The following ANKIB1 variants were observed in gnomAD, a reference collection of about 807,000 sequenced individuals.
ANKIB1 encodes ankyrin repeat and IBR domain-containing protein 1.
In ANKIB1, 43 loss-of-function variants were observed where a neutral mutation model predicts 122.1. The observed-to-expected ratio is 0.35, with a 90% CI of 0.28 to 0.45. The LOEUF (loss-of-function observed/expected upper bound fraction) is 0.45, where lower values mean the gene tolerates loss of function less well. Ranked by LOEUF, ANKIB1 falls within the 20% of genes least tolerant of loss-of-function variation. ANKIB1 has a pLI of 1.00. For missense variants in ANKIB1, 992 were observed against 1,329.5 expected (o/e 0.75, Z 3.95); for synonymous variants, 390 against 442.0 (o/e 0.88, Z 1.48).
rs557386871 is a variant in ANKIB1, at chr7:92,253,451, A to G, written c.-91+6932A>G. ...AACTCTCTGTTTCCACACAACACCC[A>G]TTGTCCTCGCCTCTAGGCTAATTAG... On this transcript the variant is annotated intron_variant, in intron 1 of 19. Coordinates refer to ENST00000265742, the MANE Select transcript of ANKIB1 (RefSeq NM_019004.2). 7.9e-4 allele frequency among the ~76,000 whole-genome samples: 120 copies of G among 152,112 alleles called. 1 individual carries two copies. Among genetic ancestry groups the G allele is most frequent in the Non-Finnish European group, 3.7e-4 (25 of 67,992 alleles).
intron 9 of ANKIB1, among the ~76,000 whole-genome samples, chr7:92,355,882 ATAATAG>A (rs1554345435): frequency 1.1e-4 from 12 of 112,700 alleles, no homozygotes; most frequent in South Asian, 2.7e-4. Context: ...AATAATAATA[ATAATAG>A]TAATAGTAAT....
At chr7:92,271,564 T>C (rs1165357219) in intron 1 of ANKIB1, among the ~76,000 whole-genome samples, 3 of 152,180 alleles carry the variant, frequency 2.0e-5, no homozygotes, top group Admixed American at 6.5e-5. Context: ...CCTCTAACTA[T>C]GTTGAGCCGG....
chr7:92,291,870 C>T (rs981550001), intron 1 of ANKIB1, among the ~76,000 whole-genome samples: 7 of 152,116 alleles, frequency 4.6e-5, no homozygotes, highest in African/African-American at 1.7e-4. Flanking sequence ...CTACCACACC[C>T]GGCCCAGGGT....
At chr7:92,337,956 C>G (rs1207631203) in intron 5 of ANKIB1, among the ~76,000 whole-genome samples, 1 of 152,070 alleles carries the variant, frequency 6.6e-6, no homozygotes, top group African/African-American at 2.4e-5. Flanking sequence ...TCATAAAAAT[C>G]TAGGCCTTTA....
intron 4 of ANKIB1, among the ~76,000 whole-genome samples, chr7:92,324,483 C>T (rs568328346): frequency 6.6e-6 from 1 of 152,336 alleles, no homozygotes; most frequent in Non-Finnish European, 1.5e-5. Flanking sequence ...ATCCACCCAC[C>T]TCGGCCTCCC....
intron 11 of ANKIB1, among the ~76,000 whole-genome samples, chr7:92,378,978 A>G (rs1804448497): frequency 6.6e-6 from 1 of 152,246 alleles, no homozygotes; most frequent in African/African-American, 2.4e-5. Flanking sequence ...TGCAAGACTT[A>G]TGGGGAAAAA....
At position 92,386,655 on chromosome 7, in the gene ANKIB1, C is replaced by G; in HGVS notation, c.1752+12C>G. On this transcript the variant is annotated intron_variant, in intron 12 of 19. Transcript: ENST00000265742. ...AAATGACTGTGGAGGTAAAGAGAAC[C>G]AATTAAGCCAAGACATCTCTCTAAA... is the stretch of plus-strand genomic sequence containing the variant. 1 of 1,583,608 alleles carries G rather than the reference C, an allele frequency of 6.3e-7. No homozygotes were observed. Among genetic ancestry groups the G allele is most frequent in the Non-Finnish European group, 8.6e-7 (1 of 1,167,398 alleles).
intron 14 of ANKIB1, among the ~76,000 whole-genome samples, chr7:92,389,666 A>T (rs1804742053): frequency 6.6e-6 from 1 of 152,144 alleles, no homozygotes; most frequent in South Asian, 2.1e-4. Flanking sequence ...CTAAAGCTAG[A>T]TTTGCTTACC....
chr7:92,333,611 G>C (rs1363348093), intron 5 of ANKIB1, among the ~76,000 whole-genome samples: 2 of 152,086 alleles, frequency 1.3e-5, no homozygotes, highest in African/African-American at 4.8e-5. Flanking sequence ...TTTTACTCAT[G>C]TCTTTCTCCT....
chr7:92,358,996 T>G (rs1396948429), intron 9 of ANKIB1, among the ~76,000 whole-genome samples: 2 of 152,198 alleles, frequency 1.3e-5, no homozygotes, highest in Non-Finnish European at 2.9e-5. Flanking sequence ...AAATTAAAAT[T>G]AACAGTTATC....
intron 1 of ANKIB1, among the ~76,000 whole-genome samples, chr7:92,262,746 T>C (rs182515000): frequency 6.6e-6 from 1 of 152,250 alleles, no homozygotes; most frequent in Admixed American, 6.5e-5. Context: ...TAGATAACTA[T>C]CTATAATTTT....
intron 7 of ANKIB1, among the ~76,000 whole-genome samples, chr7:92,347,785 G>A (rs946944666): frequency 6.6e-6 from 1 of 152,172 alleles, no homozygotes; most frequent in Non-Finnish European, 1.5e-5. Context: ...TTGGTAGCCT[G>A]CCTGTTCCTC....
At chr7:92,308,436 T>C (rs1465913681) in intron 3 of ANKIB1, among the ~76,000 whole-genome samples, 3 of 152,178 alleles carry the variant, frequency 2.0e-5, no homozygotes, top group African/African-American at 4.8e-5. Context: ...AAGTGGGACC[T>C]ATAGTTTATG....
chr7:92,260,479 G>A (rs1217990894), intron 1 of ANKIB1, among the ~76,000 whole-genome samples: 1 of 152,134 alleles, frequency 6.6e-6, no homozygotes, highest in East Asian at 1.9e-4. Context: ...AGGAATTCAA[G>A]ACTAGCCTGG....
intron 9 of ANKIB1, among the ~76,000 whole-genome samples, chr7:92,359,143 A>G (rs1585124771): frequency 6.6e-6 from 1 of 152,152 alleles, no homozygotes; most frequent in Non-Finnish European, 1.5e-5. Context: ...ACATAGGCAT[A>G]CACATGCCAT....
Position 92,246,286 on chromosome 7 carries a change from G to A in ANKIB1, c.-324G>A, listed in dbSNP as rs1163520151. ...GCCCACCCAGTCTGAGCCTCGCCGCGGGCGCCTTCGGCTCACGCAGCGCTT... is the reference window on the plus strand; with the variant it reads ...GCCCACCCAGTCTGAGCCTCGCCGCAGGCGCCTTCGGCTCACGCAGCGCTT... On this transcript the variant is annotated 5_prime_UTR_variant, in exon 1 of 20. Transcript: ENST00000265742. The A allele has an allele frequency of 7.4e-6, 3 of 404,344 alleles. No individual in the cohort carries two copies. Among genetic ancestry groups the A allele is most frequent in the Admixed American group, 3.0e-5 (1 of 33,582 alleles). 25.0% of individuals were successfully genotyped at this position (404,344 alleles called of 1,614,324 possible). A position where few individuals can be genotyped will look rare whatever the true frequency, so the allele number is the denominator to read the frequency against.
chr7:92,366,468 G>C (rs903664694), intron 10 of ANKIB1, among the ~76,000 whole-genome samples: 10 of 152,158 alleles, frequency 6.6e-5, no homozygotes, highest in Admixed American at 3.3e-4. Flanking sequence ...GGTTCCAACT[G>C]TAAGAACAGA....
At chr7:92,288,784 G>T (rs1019129390) in intron 1 of ANKIB1, among the ~76,000 whole-genome samples, 1 of 151,982 alleles carries the variant, frequency 6.6e-6, no homozygotes, top group Non-Finnish European at 1.5e-5. Context: ...TTCATCATTA[G>T]GGAAATGAAA....
chr7:92,257,684 C>T (rs1016508364), intron 1 of ANKIB1, among the ~76,000 whole-genome samples: 2 of 152,076 alleles, frequency 1.3e-5, no homozygotes, highest in Non-Finnish European at 2.9e-5. Flanking sequence ...CCCGGCTACT[C>T]GGGAGGCTGA....
Sources: gnomAD v4.1 joint callset for allele counts (sites outside exome capture counted in the v4.1 genomes callset) on GRCh38, gnomAD v4.1.1 for gene constraint, MANE v1.5 for transcripts, NCBI Gene and HGNC (gene_info 2026-07-23, HGNC 2026-07-21) for gene names.